POFUT2: variants seen among roughly 807,000 people sequenced by gnomAD.
The protein encoded by POFUT2 is protein O-fucosyltransferase 2.
A neutral mutation model predicts 55.0 loss-of-function variants in POFUT2; 30 were observed. The ratio of observed to expected loss-of-function variants is 0.55; its 90% confidence interval spans 0.41 to 0.74. The LOEUF is 0.74. POFUT2 is among the 30% of genes least tolerant of loss of function. POFUT2 has a pLI of 0.00. For missense variants in POFUT2, 524 were observed against 562.6 expected (o/e 0.93, Z 0.69); for synonymous variants, 267 against 231.1 (o/e 1.16, Z -1.41).
At position 45,283,201 on chromosome 21, in the gene POFUT2, G is replaced by A. The variant is rs541361808; in HGVS notation, c.527+182C>T. Among the ~76,000 whole-genome samples the A allele has an allele frequency of 2.1e-4, 30 of 143,528 alleles. No individual in the cohort carries two copies. In the East Asian group the frequency reaches 2.6e-3, roughly 12 times the overall value. The allele number at this position is 143,528 out of a possible 152,430, so 94.2% of individuals were successfully genotyped here. A position where few individuals can be genotyped will look rare whatever the true frequency, so the allele number is the denominator to read the frequency against. ...CACTGCGGGGGAGGCGGTTGCGGCCGGGGGGAGTGGGGGGTGAAGACACCG... is the reference window on the plus strand; with the variant it reads ...CACTGCGGGGGAGGCGGTTGCGGCCAGGGGGAGTGGGGGGTGAAGACACCG... On this transcript the variant is annotated intron_variant, in intron 3 of 8. Transcript: ENST00000349485.
chr21:45,277,167 T>A lies in POFUT2; in HGVS notation c.706-25A>T. The A allele has an allele frequency of 6.2e-7, 1 of 1,607,804 alleles. No individual in the cohort carries two copies. Among genetic ancestry groups the A allele is most frequent in the East Asian group, 2.2e-5 (1 of 44,812 alleles). ...TCTGTGGAAACGGCGACGGCTCGGC[T>A]GAGAACACGCCCGCCCGCCACGCAG... On this transcript the variant is annotated intron_variant, in intron 5 of 8. Coordinates refer to ENST00000349485, the MANE Select transcript of POFUT2 (RefSeq NM_133635.6). This position sits in a 1 kb window ranked among gnomAD's most constrained non-coding sequence, Gnocchi z 6.9.
intron 4 of POFUT2, among the ~76,000 whole-genome samples, chr21:45,279,167 G>A (rs1022457524): frequency 1.2e-4 from 18 of 150,466 alleles, no homozygotes; most frequent in Middle Eastern, 3.4e-3. Flanking sequence ...CAAGGTGGGC[G>A]GATCACGAGG....
rs987588174 is a variant in POFUT2, at chr21:45,282,925, C to T, written c.527+458G>A. The T allele has an allele frequency of 4.2e-6, 2 of 473,670 alleles. No individual in the cohort carries two copies. The allele number at this position is 473,670 out of a possible 1,614,324, so 29.3% of individuals were successfully genotyped here. A position where few individuals can be genotyped will look rare whatever the true frequency, so the allele number is the denominator to read the frequency against. ...AATGGCAATCGACACTTGGGACTGA[C>T]AAGACCTCCATCCCTGTGGCAACAT... On this transcript the variant is annotated intron_variant, in intron 3 of 8. Transcript: ENST00000349485. The surrounding 1 kb of genome is among the most constrained non-coding windows in gnomAD (Gnocchi z 4.6).
At position 45,277,324 on chromosome 21, in the gene POFUT2, G is replaced by T; in HGVS notation, c.706-182C>A. The T allele has an allele frequency of 1.3e-6, 1 of 786,240 alleles. No individual in the cohort carries two copies. Among genetic ancestry groups the T allele is most frequent in the Non-Finnish European group, 1.9e-6 (1 of 515,026 alleles). 48.7% of individuals were successfully genotyped at this position (786,240 alleles called of 1,614,324 possible). On this transcript the variant is annotated intron_variant, in intron 5 of 8. Coordinates refer to ENST00000349485, the MANE Select transcript of POFUT2 (RefSeq NM_133635.6). This position sits in a 1 kb window ranked among gnomAD's most constrained non-coding sequence, Gnocchi z 6.9. ...GGTGGAGGCTCTTGGAGGGTCTCCT[G>T]CATGAAGCCAACGCAGGGCAAGCCG...
Position 45,285,801 on chromosome 21 carries a change from C to A in POFUT2, c.259G>T (p.Gly87Cys). The A allele has an allele frequency of 6.2e-7, 1 of 1,613,604 alleles. No individual in the cohort carries two copies. Among genetic ancestry groups the A allele is most frequent in the Non-Finnish European group, 8.5e-7 (1 of 1,180,006 alleles). ...EEWVLVLPPW[G>C]RLYHWQSPDI... ...GGACTCTGCCAGTGATAGAGGCGGC[C>A]CCATGGAGGCAGGACAAGCACCCAC... The change falls in exon 2 of 9, where the codon GGC becomes TGC. Residue 87 changes from glycine to cysteine, a missense_variant. Physicochemically the swap from Gly to Cys is radical, Grantham distance 159. Transcript: ENST00000349485. The surrounding 1 kb of genome is among the most constrained non-coding windows in gnomAD (Gnocchi z 4.9).
At position 45,282,559 on chromosome 21, in the gene POFUT2, G is replaced by T. The variant is rs1007505581; in HGVS notation, c.528-100C>A. On this transcript the variant is annotated intron_variant, in intron 3 of 8. Transcript: ENST00000349485. This position sits in a 1 kb window ranked among gnomAD's most constrained non-coding sequence, Gnocchi z 4.6. The stretch of plus-strand genomic sequence containing the variant: ...GCACACACTGTGGCTTGCTCCTGAT[G>T]AAACGCGGCTGCTTTAGGAAAACTT... 2.6e-5 allele frequency: 19 copies of T among 722,900 alleles called. No individual in the cohort carries two copies. In the African/African-American group the frequency reaches 3.4e-4, roughly 13 times the overall value. 44.8% of individuals were successfully genotyped at this position (722,900 alleles called of 1,614,324 possible).
At chr21:45,278,928 T>C (rs2030176156) in intron 4 of POFUT2, among the ~76,000 whole-genome samples, 1 of 152,126 alleles carries the variant, frequency 6.6e-6, no homozygotes, top group Admixed American at 6.5e-5. Flanking sequence ...ACGTGGGAAG[T>C]GCCTCTCCTA....
rs79625398 is a variant in POFUT2 at position 45,270,857 on chromosome 21, G to A, written c.832-838C>T. Among the ~76,000 whole-genome samples the A allele has an allele frequency of 9.8e-5, 15 of 152,328 alleles. No homozygotes were observed. The highest frequency in any genetic ancestry group is 3.3e-4 in the Admixed American group (5 of 15,304). ...CCATCCCTAGGGGAAGGCGAAGAGC[G>A]CCACAGAGCACCCCGTGGGATAAAA... is the stretch of plus-strand genomic sequence containing the variant. On this transcript the variant is annotated intron_variant, in intron 6 of 8. Transcript: ENST00000349485. The surrounding 1 kb of genome is among the most constrained non-coding windows in gnomAD (Gnocchi z 4.6).
chr21:45,271,731 T>C (rs1830455649), intron 6 of POFUT2, among the ~76,000 whole-genome samples: 1 of 152,202 alleles, frequency 6.6e-6, no homozygotes, highest in African/African-American at 2.4e-5. Context: ...TACAAGGGAC[T>C]GGGGTCCTAT....
At chr21:45,279,532 AAC>A (rs1201341413) in intron 4 of POFUT2, among the ~76,000 whole-genome samples, 2 of 152,246 alleles carry the variant, frequency 1.3e-5, no homozygotes, top group African/African-American at 2.4e-5. Flanking sequence ...AAATCAAAGA[AAC>A]ACACACGAAC....
rs571026695 is a variant in POFUT2 at position 45,268,574 on chromosome 21, TGAG to T, written c.1013-864_1013-862del. Among the ~76,000 whole-genome samples, 507 of 150,852 alleles carry T rather than the reference TGAG, an allele frequency of 3.4e-3. 3 individuals are homozygous for T. The highest frequency in any genetic ancestry group is 5.0e-3 in the Non-Finnish European group (340 of 67,740). On this transcript the variant is annotated intron_variant, in intron 7 of 8. Transcript: ENST00000349485. Reference sequence around the variant, plus strand: ...TCCGGCCGCCATCACATCTAGGAAGTGAGGAGCGTCTCTGCCCAGCCGCCCATC... The same window carrying T: ...TCCGGCCGCCATCACATCTAGGAAGTGAGCGTCTCTGCCCAGCCGCCCATC...
chr21:45,286,484 G>A (rs907241408), intron 1 of POFUT2, among the ~76,000 whole-genome samples: 5 of 152,192 alleles, frequency 3.3e-5, no homozygotes, highest in Admixed American at 2.0e-4. Context: ...TCCCATACCC[G>A]TTTCTGCATT....
intron 2 of POFUT2, among the ~76,000 whole-genome samples, chr21:45,283,857 C>A (rs1293402373): frequency 6.6e-6 from 1 of 152,202 alleles, no homozygotes; most frequent in African/African-American, 2.4e-5. Flanking sequence ...TGTTCCCTGC[C>A]AGGACCACTC....
intron 7 of POFUT2, among the ~76,000 whole-genome samples, chr21:45,268,634 C>T (rs558457652): frequency 1.3e-4 from 19 of 151,772 alleles, no homozygotes; most frequent in Non-Finnish European, 1.9e-4. Context: ...TCTGCCCCGC[C>T]GCCCCATCTG....
chr21:45,267,786 C>CA lies in POFUT2; in HGVS notation c.1013-74dup, dbSNP rs2093170492. 7.5e-7 allele frequency: 1 copy of CA among 1,341,782 alleles called. No homozygotes were observed. Among genetic ancestry groups the CA allele is most frequent in the Admixed American group, 1.8e-5 (1 of 55,898 alleles). The allele number at this position is 1,341,782 out of a possible 1,614,324, so 83.1% of individuals were successfully genotyped here. A position where few individuals can be genotyped will look rare whatever the true frequency, so the allele number is the denominator to read the frequency against. ...GACAGATACGTGACTCTTTAGCAGA[C>CA]AGACATGCGTACTTGGCTTCTGGTT... On this transcript the variant is annotated intron_variant, in intron 7 of 8. Coordinates refer to ENST00000349485, the MANE Select transcript of POFUT2 (RefSeq NM_133635.6). This position sits in a 1 kb window ranked among gnomAD's most constrained non-coding sequence, Gnocchi z 4.4.
In POFUT2 at chr21:45,282,841, A is replaced by G. The variant is rs1229312597; in HGVS notation, c.528-382T>C. ...AGAGCCAGCTGCCCTGGCACTGGACACATGGAGGCTGTTAACTGACAGCTT... is the reference window on the plus strand; with the variant it reads ...AGAGCCAGCTGCCCTGGCACTGGACGCATGGAGGCTGTTAACTGACAGCTT... On this transcript the variant is annotated intron_variant, in intron 3 of 8. Transcript: ENST00000349485. This position sits in a 1 kb window ranked among gnomAD's most constrained non-coding sequence, Gnocchi z 4.6. 3 of 482,758 alleles carry G rather than the reference A, an allele frequency of 6.2e-6. No individual in the cohort carries two copies. Among genetic ancestry groups the G allele is most frequent in the Non-Finnish European group, 1.3e-5 (3 of 235,528 alleles). 29.9% of individuals were successfully genotyped at this position (482,758 alleles called of 1,614,324 possible). A position where few individuals can be genotyped will look rare whatever the true frequency, so the allele number is the denominator to read the frequency against.
At chr21:45,280,742 C>A (rs2030533233) in intron 4 of POFUT2, among the ~76,000 whole-genome samples, 1 of 150,902 alleles carries the variant, frequency 6.6e-6, no homozygotes, top group Admixed American at 6.6e-5. Flanking sequence ...TCACCCCAGG[C>A]TGCCTGTCCC....
chr21:45,267,443 C>T lies in POFUT2; in HGVS notation c.1136+147G>A, dbSNP rs2093166513. On this transcript the variant is annotated intron_variant, in intron 8 of 8. Transcript: ENST00000349485. The surrounding 1 kb of genome is among the most constrained non-coding windows in gnomAD (Gnocchi z 4.4). ...CAGGGAAACACTGAACCAGATGCTA[C>T]AGGAGACTCAGACGAGGAGGCAAAC... 1 of 1,613,686 alleles carries T rather than the reference C, an allele frequency of 6.2e-7. No individual in the cohort carries two copies.
Position 45,270,027 on chromosome 21 carries a change from A to G in POFUT2, c.832-8T>C, listed in dbSNP as rs1258794108. The G allele has an allele frequency of 1.3e-6, 2 of 1,531,454 alleles. No homozygotes were observed. Among genetic ancestry groups the G allele is most frequent in the East Asian group, 4.8e-5 (2 of 41,788 alleles). 94.9% of individuals were successfully genotyped at this position (1,531,454 alleles called of 1,614,324 possible). On this transcript the variant is annotated splice_region_variant and splice_polypyrimidine_tract_variant and intron_variant, in intron 6 of 8. Transcript: ENST00000349485. This position sits in a 1 kb window ranked among gnomAD's most constrained non-coding sequence, Gnocchi z 4.6. ...CGCGGAGCCCAGCTTGACCTAGCAA[A>G]GAACCACAAGGAAATGCAGAAGCTG...
Sources: allele counts gnomAD v4.1 joint callset (sites outside exome capture counted in the v4.1 genomes callset), GRCh38; gene constraint gnomAD v4.1.1; non-coding constraint Gnocchi (gnomAD v3.1); transcripts MANE v1.5; gene names NCBI Gene and HGNC (gene_info 2026-07-23, HGNC 2026-07-21).